Variants in CIMAP3 observed in about 807,000 individuals in gnomAD.
The protein encoded by CIMAP3 is ciliary microtubule associated protein 3.
the CIMAP3 span, chr1:111,350,045 T>C: frequency 1.5e-6 from 2 of 1,363,018 alleles, no homozygotes; most frequent in African/African-American, 2.9e-5. Context: ...GCTCTGGTAC[T>C]GATGGAGTTT....
the CIMAP3 span, among the ~76,000 whole-genome samples, chr1:111,337,171 CT>C: frequency 6.6e-6 from 1 of 152,176 alleles, no homozygotes; most frequent in Non-Finnish European, 1.5e-5. Flanking sequence ...ACCACCAGGC[CT>C]GCCCTAAAAG....
At chr1:111,339,002 C>A in the CIMAP3 span, among the ~76,000 whole-genome samples, 1 of 152,136 alleles carries the variant, frequency 6.6e-6, no homozygotes. Context: ...AAAGCTTATC[C>A]ACCATGATCA....
chr1:111,328,128 AT>A, the CIMAP3 span, among the ~76,000 whole-genome samples: 1 of 152,152 alleles, frequency 6.6e-6, no homozygotes, highest in African/African-American at 2.4e-5. Flanking sequence ...TCAGAAGCAT[AT>A]TGTTTAATTT....
chr1:111,347,128 G>A, the CIMAP3 span: 3 of 1,474,726 alleles, frequency 2.0e-6, no homozygotes, highest in Non-Finnish European at 2.7e-6. Flanking sequence ...TTTCGTAAAA[G>A]AAAAAATTCT....
chr1:111,324,809 T>C, the CIMAP3 span: 177 of 985,068 alleles, frequency 1.8e-4, no homozygotes, highest in Non-Finnish European at 2.0e-4. Flanking sequence ...AGGTCCATGC[T>C]ATCTTCTCTA....
At chr1:111,346,564 C>G in the CIMAP3 span, 58 of 1,599,558 alleles carry the variant, frequency 3.6e-5, no homozygotes, top group Non-Finnish European at 4.9e-5. Flanking sequence ...GCCCTCTCCC[C>G]CTCCCCGCGC....
At chr1:111,328,733 A>C in the CIMAP3 span, among the ~76,000 whole-genome samples, 1 of 152,160 alleles carries the variant, frequency 6.6e-6, no homozygotes, top group Non-Finnish European at 1.5e-5. Context: ...TTTTCAGCCT[A>C]TGAGTGTCAT....
At chr1:111,326,697 C>T in the CIMAP3 span, among the ~76,000 whole-genome samples, 1 of 151,928 alleles carries the variant, frequency 6.6e-6, no homozygotes, top group African/African-American at 2.4e-5. Context: ...TAATAATTTC[C>T]ATTTCTGCCA....
At chr1:111,348,746 C>G in the CIMAP3 span, 4 of 1,191,876 alleles carry the variant, frequency 3.4e-6, no homozygotes, top group Non-Finnish European at 3.5e-6. Context: ...GACATCCAAA[C>G]CATCGCAGTT....
chr1:111,330,721 G>A, the CIMAP3 span, among the ~76,000 whole-genome samples: 2 of 152,212 alleles, frequency 1.3e-5, no homozygotes, highest in Non-Finnish European at 2.9e-5. Flanking sequence ...GGAGGCAGCA[G>A]AGGAAGAGAT....
At chr1:111,347,104 G>GCCAAGTTT in the CIMAP3 span, 2 of 1,514,950 alleles carry the variant, frequency 1.3e-6, no homozygotes, top group Non-Finnish European at 1.8e-6. Context: ...TTGAGGGATA[G>GCCAAGTTT]CCAAGTTTCC....
chr1:111,348,572 CAA>C, the CIMAP3 span: 1 of 1,612,190 alleles, frequency 6.2e-7, no homozygotes, highest in Non-Finnish European at 8.5e-7. Context: ...AGGAAAAACA[CAA>C]ACAAAATTTT....
the CIMAP3 span, chr1:111,347,627 T>TTTTTTTTTTTTTTTG: frequency 8.4e-7 from 1 of 1,183,976 alleles, no homozygotes; most frequent in Non-Finnish European, 1.2e-6. Context: ...TCTTTCTTTT[T>TTTTTTTTTTTTTTTG]TTTTTTTTTT....
the CIMAP3 span, among the ~76,000 whole-genome samples, chr1:111,332,090 A>G: frequency 1.3e-5 from 2 of 152,160 alleles, no homozygotes; most frequent in African/African-American, 2.4e-5. Context: ...ATGTGTGTGC[A>G]TAGGGTGGGT....
the CIMAP3 span, chr1:111,349,411 TTGCAGG>T: frequency 6.6e-6 from 1 of 152,478 alleles, no homozygotes; most frequent in South Asian, 2.1e-4. Flanking sequence ...CACATAGGCC[TTGCAGG>T]CCAACAGGCT....
the CIMAP3 span, chr1:111,346,497 T>C: frequency 8.9e-7 from 1 of 1,123,030 alleles, no homozygotes; most frequent in Non-Finnish European, 1.3e-6. Flanking sequence ...AAGGTGCGGG[T>C]TCCTGCCCCA....
At chr1:111,348,199 C>T in the CIMAP3 span, 5 of 252,426 alleles carry the variant, frequency 2.0e-5, no homozygotes, top group African/African-American at 8.9e-5. Flanking sequence ...GACACTTGAG[C>T]TTAGGGAGCA....
chr1:111,349,861 T>G, the CIMAP3 span: 1 of 404,218 alleles, frequency 2.5e-6, no homozygotes, highest in Non-Finnish European at 4.5e-6. Context: ...TACAGAAATA[T>G]CTTTTAATCT....
At chr1:111,338,250 A>T in the CIMAP3 span, among the ~76,000 whole-genome samples, 3 of 152,178 alleles carry the variant, frequency 2.0e-5, no homozygotes, top group Non-Finnish European at 4.4e-5. Flanking sequence ...AGAAGGAAAC[A>T]TCCAAAATTG....
Sources: gnomAD v4.1 joint callset for allele counts (sites outside exome capture counted in the v4.1 genomes callset) on GRCh38, gnomAD v4.1.1 for gene constraint, MANE v1.5 for transcripts, NCBI Gene and HGNC (gene_info 2026-07-23, HGNC 2026-07-21) for gene names.